The following SGCD variants were observed in gnomAD, a reference collection of about 807,000 sequenced individuals.
SGCD encodes sarcoglycan delta.
SGCD carries 18 observed loss-of-function variants against 36.6 expected under a neutral mutation model. The ratio of observed to expected loss-of-function variants is 0.49; its 90% CI spans 0.34 to 0.73. The LOEUF (loss-of-function observed/expected upper bound fraction) is 0.73, where lower values mean the gene tolerates loss of function less well. SGCD is among the 30% of genes least tolerant of loss of function. The pLI is 0.01. For synonymous variants in SGCD, 133 were observed against 130.6 expected (o/e 1.02, Z -0.12); for missense variants, 387 against 346.7 (o/e 1.12, Z -0.92).
intron 4 of SGCD, among the ~76,000 whole-genome samples, chr5:156,546,917 A>G (rs1758598340): frequency 6.6e-6 from 1 of 152,234 alleles, no homozygotes; most frequent in Admixed American, 6.5e-5. Flanking sequence ...CAGGAAAGGT[A>G]ACTAGATATA....
intron 7 of SGCD, among the ~76,000 whole-genome samples, chr5:156,746,097 C>T (rs1756926151): frequency 6.6e-6 from 1 of 150,676 alleles, no homozygotes; most frequent in Admixed American, 6.6e-5. Context: ...ATCAGAATGA[C>T]ACTATAGACC....
the SGCD span, among the ~76,000 whole-genome samples, chr5:155,772,701 T>C: frequency 9.7e-4 from 147 of 152,314 alleles, no homozygotes; most frequent in South Asian, 0.01. Context: ...GCTGCATTTG[T>C]GTACTGATTT....
chr5:156,367,828 G>A (rs187074172), intron 3 of SGCD, among the ~76,000 whole-genome samples: 3 of 152,152 alleles, frequency 2.0e-5, no homozygotes, highest in Non-Finnish European at 2.9e-5. Flanking sequence ...TGGAGGTGCC[G>A]CACAAGCTTG....
the SGCD span, among the ~76,000 whole-genome samples, chr5:155,799,962 G>A: frequency 2.0e-5 from 3 of 150,944 alleles, no homozygotes; most frequent in Non-Finnish European, 3.0e-5. Context: ...AGGACTACAG[G>A]CATGCAACAC....
At chr5:155,914,795 T>C (rs1163716918) in intron 1 of SGCD, among the ~76,000 whole-genome samples, 1 of 152,202 alleles carries the variant, frequency 6.6e-6, no homozygotes, top group East Asian at 1.9e-4. Context: ...AAGGAATTTC[T>C]ATACTGTTAA....
At chr5:156,172,249 C>T (rs924845454) in intron 3 of SGCD, among the ~76,000 whole-genome samples, 2 of 152,168 alleles carry the variant, frequency 1.3e-5, no homozygotes, top group Non-Finnish European at 2.9e-5. Context: ...AGCCATTGCA[C>T]TCCAGCCTAG....
chr5:156,036,797 G>C (rs79707962), intron 1 of SGCD, among the ~76,000 whole-genome samples: 16,639 of 152,104 alleles, frequency 0.11, 2,593 homozygotes, highest in African/African-American at 0.35. Flanking sequence ...CATACTCTGT[G>C]TTAAGATTTG....
intron 1 of SGCD, among the ~76,000 whole-genome samples, chr5:156,029,673 A>G (rs1759301040): frequency 6.6e-6 from 1 of 152,174 alleles, no homozygotes; most frequent in Admixed American, 6.5e-5. Flanking sequence ...AAGAGACCAA[A>G]CAATGATCAC....
intron 3 of SGCD, among the ~76,000 whole-genome samples, chr5:156,284,859 A>G (rs1294549741): frequency 1.3e-5 from 2 of 152,220 alleles, no homozygotes; most frequent in Non-Finnish European, 2.9e-5. Context: ...AGGGTATTCA[A>G]TTAGTAAAAA....
chr5:156,688,568 A>G (rs953313702), intron 7 of SGCD, among the ~76,000 whole-genome samples: 6 of 152,296 alleles, frequency 3.9e-5, no homozygotes, highest in African/African-American at 1.2e-4. Context: ...TAGAGACAGG[A>G]GAGAAGTAAG....
chr5:155,925,086 G>A (rs1329069420), intron 1 of SGCD, among the ~76,000 whole-genome samples: 1 of 150,200 alleles, frequency 6.7e-6, no homozygotes, highest in Non-Finnish European at 1.5e-5. Context: ...CACCTGCATT[G>A]GCAGTGAAAT....
In SGCD at chr5:156,766,311, A is replaced by G. The variant is rs889948978; in HGVS notation, c.*6921A>G. ...TTTCTATCATTGTCTCTGTTTCCCTATAAGAAAGAACTACCAGGGACTCAC... is the reference window on the plus strand; with the variant it reads ...TTTCTATCATTGTCTCTGTTTCCCTGTAAGAAAGAACTACCAGGGACTCAC... On this transcript the variant is annotated 3_prime_UTR_variant, in exon 9 of 9. Coordinates refer to ENST00000337851, the MANE Select transcript of SGCD (RefSeq NM_000337.6). 1.3e-5 allele frequency: 2 copies of G among 151,964 alleles called. No individual in the cohort carries two copies. Among genetic ancestry groups the G allele is most frequent in the Admixed American group, 1.3e-4 (2 of 15,254 alleles). 9.4% of individuals were successfully genotyped at this position (151,964 alleles called of 1,614,324 possible).
intron 2 of SGCD, among the ~76,000 whole-genome samples, chr5:156,340,841 T>A (rs1768612743): frequency 6.6e-6 from 1 of 152,232 alleles, no homozygotes; most frequent in South Asian, 2.1e-4. Context: ...TTTTTATCTT[T>A]CAACATGTTT....
intron 1 of SGCD, among the ~76,000 whole-genome samples, chr5:155,935,924 C>A (rs1232328374): frequency 1.3e-5 from 2 of 152,162 alleles, no homozygotes; most frequent in Non-Finnish European, 2.9e-5. Flanking sequence ...GTCAGGCACA[C>A]CAGCTGCAGC....
intron 4 of SGCD, among the ~76,000 whole-genome samples, chr5:156,576,175 T>C (rs1177650790): frequency 6.6e-6 from 1 of 151,596 alleles, no homozygotes; most frequent in Non-Finnish European, 1.5e-5. Flanking sequence ...ACATGCGGTG[T>C]TTGGTTTTCT....
At chr5:156,156,078 C>T (rs1762954920) in intron 3 of SGCD, among the ~76,000 whole-genome samples, 1 of 151,686 alleles carries the variant, frequency 6.6e-6, no homozygotes. Context: ...TTTCTAGCTC[C>T]TTCCACTTAC....
At chr5:156,424,872 A>T (rs567226453) in intron 3 of SGCD, among the ~76,000 whole-genome samples, 1 of 152,118 alleles carries the variant, frequency 6.6e-6, no homozygotes, top group South Asian at 2.1e-4. Context: ...TTCCCTCAAC[A>T]ACTAAGTGTG....
At chr5:155,758,762 G>A in the SGCD span, among the ~76,000 whole-genome samples, 1 of 152,144 alleles carries the variant, frequency 6.6e-6, no homozygotes, top group African/African-American at 2.4e-5. Context: ...CCAGTCCATG[G>A]AAAAATTGTC....
intron 3 of SGCD, among the ~76,000 whole-genome samples, chr5:156,278,821 T>C (rs1766380564): frequency 6.6e-6 from 1 of 152,232 alleles, no homozygotes; most frequent in Non-Finnish European, 1.5e-5. Context: ...TGTCCTTCCA[T>C]GGTCTCTTTT....
Sources: gnomAD v4.1 joint callset for allele counts (sites outside exome capture counted in the v4.1 genomes callset) on GRCh38, gnomAD v4.1.1 for gene constraint, MANE v1.5 for transcripts, NCBI Gene and HGNC (gene_info 2026-07-23, HGNC 2026-07-21) for gene names.